The following PLCB2 variants were observed in gnomAD, a reference collection of about 807,000 sequenced individuals.
PLCB2 encodes 1-phosphatidylinositol 4,5-bisphosphate phosphodiesterase beta-2.
Under a neutral mutation model 141.7 loss-of-function variants are expected in PLCB2, and 115 were observed. That is an observed-to-expected ratio of 0.81 (90% CI 0.70 to 0.95). The LOEUF is 0.95. Ranked by LOEUF, PLCB2 falls within the 40% of genes least tolerant of loss-of-function variation. The pLI is 0.00. For synonymous variants in PLCB2, 603 were observed against 595.6 expected (o/e 1.01, Z -0.18); for missense variants, 1,403 against 1,541.1 (o/e 0.91, Z 1.50).
At chr15:40,299,107 A>T in intron 8 of PLCB2, 21 bp downstream of exon 8, 2 of 1,595,516 alleles carry the variant, frequency 1.3e-6, no homozygotes, top group Non-Finnish European at 8.6e-7. Context: ...TCCCATGACC[A>T]GCACAACCCA....
intron 1 of PLCB2, among the ~76,000 whole-genome samples, chr15:40,305,432 G>A (rs1436739395): frequency 6.6e-6 from 1 of 152,142 alleles, no homozygotes; most frequent in East Asian, 1.9e-4. Context: ...GAGACCAAGT[G>A]GACTACAGCG....
Position 40,288,433 on chromosome 15 carries a change from C to A in PLCB2, c.*282G>T, listed in dbSNP as rs2039667046. ...CACTTTCTGCCTTCCAGTCCATAGT[C>A]TTTTGCCCTCAACAAATATATGACA... On this transcript the variant is annotated 3_prime_UTR_variant, in exon 32 of 32. Transcript: ENST00000260402. 3.4e-6 allele frequency: 4 copies of A among 1,184,558 alleles called. No homozygotes were observed. Among genetic ancestry groups the A allele is most frequent in the Non-Finnish European group, 4.2e-6 (4 of 955,808 alleles). 73.4% of individuals were successfully genotyped at this position (1,184,558 alleles called of 1,614,324 possible).
intron 31 of PLCB2, 149 bp from the exon 32 acceptor site, chr15:40,289,067 G>T: frequency 1.6e-6 from 2 of 1,247,584 alleles, no homozygotes; most frequent in Non-Finnish European, 2.2e-6. Context: ...GAGTGGTAGA[G>T]CCCATCAGGA....
In PLCB2 at chr15:40,298,346, C is replaced by T. The variant is rs1186824664; in HGVS notation, c.1032G>A (p.Met344Ile). Reference protein sequence around the residue: ...GQFSGLSSAEMYRQVLLSGCR... With the variant: ...GQFSGLSSAEIYRQVLLSGCR... Reference sequence around the variant, plus strand: ...AGCCAGAGAGCAGCACCTGGCGGTACATCTCAGCCGAGGAGAGGCCTGAGA... The same window carrying T: ...AGCCAGAGAGCAGCACCTGGCGGTATATCTCAGCCGAGGAGAGGCCTGAGA... Residue 344 changes from methionine (M) to isoleucine (I), a missense_variant, in exon 11 of 32, where the codon ATG becomes ATA. This residue lies in a region of PLCB2 where 975 missense variants were observed against 1,141.1 expected (regional missense o/e 0.85). Coordinates refer to ENST00000260402, the MANE Select transcript of PLCB2 (RefSeq NM_004573.3). 1.3e-6 allele frequency: 2 copies of T among 1,599,606 alleles called. No individual in the cohort carries two copies. The highest frequency in any genetic ancestry group is 1.7e-6 in the Non-Finnish European group (2 of 1,170,792).
Position 40,296,389 on chromosome 15 carries a change from T to A in PLCB2, c.1603A>T (p.Thr535Ser), listed in dbSNP as rs775946225. Residue 535 changes from threonine to serine, a missense_variant, in exon 16 of 32, where the codon ACA becomes TCA. Thr to Ser is a moderately conservative substitution (Grantham distance 58). This residue lies in a region of PLCB2 where 975 missense variants were observed against 1,141.1 expected (regional missense o/e 0.85). Transcript: ENST00000260402. ...EIKKMQSDEG[T>S]AGLEVTAYEE... is the part of the protein sequence containing the mutation. ...TAAGCCGTCACTTCCAGGCCCGCTG[T>A]GCCCTAAGGAGAAGAGGGGAGGGCA... 2 of 1,613,780 alleles carry A rather than the reference T, an allele frequency of 1.2e-6. No homozygotes were observed. Among genetic ancestry groups the A allele is most frequent in the Non-Finnish European group, 1.7e-6 (2 of 1,179,872 alleles).
rs57020474 is a variant in PLCB2, at chr15:40,302,583, G to T, written c.258C>A (p.Asn86Lys). 241 of 1,614,222 alleles carry T rather than the reference G, an allele frequency of 1.5e-4. 1 individual carries two copies. The East Asian group carries it at 5.1e-3, about 34-fold the overall frequency. Residue 86 changes from asparagine (N) to lysine (K), a missense_variant, in exon 4 of 32, where the codon AAC becomes AAA. Around this residue, in one of 4 missense-constraint regions of PLCB2, gnomAD observed 975 missense variants for 1,141.1 expected, o/e 0.85. Transcript: ENST00000260402. The part of the protein sequence containing the change: ...PKSQKLRDVF[N>K]MDFPDNSFLL... ...GGAAACTGTTATCAGGAAAGTCCAT[G>T]TTGAAGACGTCCCGGAGCTTCTGGC...
chr15:40,303,962 G>T, intron 2 of PLCB2, 39 bp downstream of exon 2: 2 of 1,373,162 alleles, frequency 1.5e-6, no homozygotes, highest in African/African-American at 1.4e-5. Context: ...TCAATGATAA[G>T]CAGGAGTCCA....
At chr15:40,295,331 C>T (rs2040150893) in intron 16 of PLCB2, 46 bp from the exon 17 acceptor site, 2 of 1,342,828 alleles carry the variant, frequency 1.5e-6, no homozygotes, top group South Asian at 2.3e-5. Flanking sequence ...CAGGCTGTCC[C>T]CTCCCTCAGT....
At chr15:40,302,719 C>A (rs1176183881) in intron 3 of PLCB2, 110 bp from the exon 4 acceptor site, 29 of 1,141,596 alleles carry the variant, frequency 2.5e-5, no homozygotes, top group Non-Finnish European at 3.5e-5. Flanking sequence ...CTGGGCAGAA[C>A]CCCATCCCCA....
chr15:40,289,271 C>A lies in PLCB2; in HGVS notation c.3354+1G>T. On this transcript the variant is annotated splice_donor_variant, in intron 31 of 31. Coordinates refer to ENST00000260402, the MANE Select transcript of PLCB2 (RefSeq NM_004573.3). LOFTEE classifies it high-confidence loss of function. ...GGGGGTCCCAGTAGTGAACCTGTTA[C>A]CTGCTTTTCCATCTCCCGTATCTGT... 1 of 1,612,664 alleles carries A rather than the reference C, an allele frequency of 6.2e-7. No individual in the cohort carries two copies. The highest frequency in any genetic ancestry group is 8.5e-7 in the Non-Finnish European group (1 of 1,178,646).
chr15:40,295,910 C>A (rs2141095375), intron 16 of PLCB2, among the ~76,000 whole-genome samples: 1 of 152,318 alleles, frequency 6.6e-6, no homozygotes, highest in African/African-American at 2.4e-5. Context: ...AAAGGGGAAG[C>A]ATGCAAAGGG....
chr15:40,295,146 TC>T, intron 17 of PLCB2, 54 bp downstream of exon 17: 2 of 1,608,280 alleles, frequency 1.2e-6, no homozygotes, highest in Non-Finnish European at 1.7e-6. Context: ...CCCCAGGCCC[TC>T]CTCTGGCTCC....
Position 40,294,002 on chromosome 15 carries a change from C to T in PLCB2, c.2061+264G>A, listed in dbSNP as rs188610775. Among the ~76,000 whole-genome samples, 694 of 152,264 alleles carry T rather than the reference C, an allele frequency of 4.6e-3. 4 individuals carry two copies. The highest frequency in any genetic ancestry group is 0.027 in the Middle Eastern group (8 of 294). On this transcript the variant is annotated intron_variant, in intron 19 of 31. Coordinates refer to ENST00000260402, the MANE Select transcript of PLCB2 (RefSeq NM_004573.3). ...TGCCTTCCCCCAGGACCTGGGGCTC[C>T]GGCTGCCCCACTCTGCCCACTCTTC...
intron 20 of PLCB2, 62 bp downstream of exon 20, chr15:40,293,498 C>G (rs1337122760): frequency 1.3e-6 from 2 of 1,530,460 alleles, no homozygotes; most frequent in East Asian, 4.5e-5. Context: ...TTTACTTCCT[C>G]TTGTCTGTAA....
downstream of PLCB2, among the ~76,000 whole-genome samples, chr15:40,284,889 G>C (rs1259130370): frequency 6.7e-6 from 1 of 150,026 alleles, no homozygotes; most frequent in Non-Finnish European, 1.5e-5. Flanking sequence ...ACGGGTTCTG[G>C]AGGCAAAGGC....
chr15:40,298,030 C>T lies in PLCB2; in HGVS notation c.1156-71G>A, dbSNP rs191333961. The T allele has an allele frequency of 2.6e-3, 3,283 of 1,279,002 alleles. 10 individuals are homozygous for T. Among genetic ancestry groups the T allele is most frequent in the Non-Finnish European group, 3.0e-3 (2,639 of 887,978 alleles). The allele number at this position is 1,279,002 out of a possible 1,614,324, so 79.2% of individuals were successfully genotyped here. On this transcript the variant is annotated intron_variant, in intron 11 of 31. Transcript: ENST00000260402. ...TGCCTGTCTCGTGATAGCACTTTTC[C>T]CCCCTGCCTAGTTTCAATACACACA... is the stretch of plus-strand genomic sequence containing the variant.
At chr15:40,294,510 G>T in intron 18 of PLCB2, 90 bp from the exon 19 acceptor site, 1 of 1,405,934 alleles carries the variant, frequency 7.1e-7, no homozygotes, top group Non-Finnish European at 1.0e-6. Flanking sequence ...TTGCTGTCTG[G>T]TGAATGGGGA....
intron 3 of PLCB2, 32 bp from the exon 4 acceptor site, chr15:40,302,641 G>C: frequency 2.5e-6 from 4 of 1,611,662 alleles, no homozygotes; most frequent in Non-Finnish European, 3.4e-6. Flanking sequence ...TTAGGATGGA[G>C]GTGTGCTCCC....
At chr15:40,302,667 G>C (rs2040581725) in intron 3 of PLCB2, 58 bp from the exon 4 acceptor site, 3 of 1,586,532 alleles carry the variant, frequency 1.9e-6, no homozygotes, top group Non-Finnish European at 2.6e-6. Flanking sequence ...GCCCAGTGTG[G>C]CTCTCTCTGG....
Sources: allele counts gnomAD v4.1 joint callset (sites outside exome capture counted in the v4.1 genomes callset), GRCh38; gene constraint gnomAD v4.1.1; regional missense constraint gnomAD v4.1.1; transcripts MANE v1.5; gene names NCBI Gene and HGNC (gene_info 2026-07-23, HGNC 2026-07-21).